The following IL1RAPL2 variants were observed in gnomAD, a reference collection of about 807,000 sequenced individuals.
IL1RAPL2 encodes X-linked interleukin-1 receptor accessory protein-like 2.
IL1RAPL2 carries 3 observed loss-of-function variants against 44.1 expected under a neutral mutation model. The ratio of observed to expected loss-of-function variants is 0.07; its 90% CI spans 0.03 to 0.18. The LOEUF (loss-of-function observed/expected upper bound fraction) is 0.18. Among genes scored for constraint, IL1RAPL2 ranks in the 10% least tolerant of loss-of-function variants. IL1RAPL2 has a pLI of 1.00. For synonymous variants in IL1RAPL2, 181 were observed against 178.8 expected, an observed-to-expected ratio of 1.01 and a Z score of -0.10; for missense variants, 391 against 496.4, an observed-to-expected ratio of 0.79 and a Z score of 2.02.
intron 1 of IL1RAPL2, among the ~76,000 whole-genome samples, chrX:104,629,845 G>A (rs1035567300): frequency 4.5e-5 from 5 of 111,902 alleles, no homozygotes; most frequent in Admixed American, 9.5e-5. Context: ...GTAAATATAT[G>A]AATTTACTTC....
intron 2 of IL1RAPL2, among the ~76,000 whole-genome samples, chrX:105,011,658 T>C (rs938253731): frequency 9.0e-6 from 1 of 111,593 alleles, no homozygotes; most frequent in Non-Finnish European, 1.9e-5. Context: ...CTTTTTATAG[T>C]TGAATAATAT....
At chrX:104,751,320 C>T (rs1303329412) in intron 2 of IL1RAPL2, among the ~76,000 whole-genome samples, 1 of 111,376 alleles carries the variant, frequency 9.0e-6, no homozygotes, top group Non-Finnish European at 1.9e-5. Context: ...GGTTCCTGCC[C>T]TCAGGGAGTT....
At position 104,903,622 on chromosome X, in the gene IL1RAPL2, G is replaced by T. The variant is rs761968398; in HGVS notation, c.82+244627G>T. Among the ~76,000 whole-genome samples, 45 of 111,090 alleles carry T rather than the reference G, an allele frequency of 4.1e-4. No individual in the cohort carries two copies. In the South Asian group the frequency reaches 0.015, roughly 38 times the overall value. On this transcript the variant is annotated intron_variant, in intron 2 of 10. Coordinates refer to ENST00000372582, the MANE Select transcript of IL1RAPL2 (RefSeq NM_017416.2). Reference sequence around the variant, plus strand: ...AGACAGAGTCTGACTCTGTTGCCCAGGCTGGAGTGCAGTGGCATGATCTTG... The same window carrying T: ...AGACAGAGTCTGACTCTGTTGCCCATGCTGGAGTGCAGTGGCATGATCTTG...
rs1177901922 is a variant in IL1RAPL2, at chrX:104,630,210, C to T, written c.-19-28685C>T. Among the ~76,000 whole-genome samples, 11 of 104,478 alleles carry T rather than the reference C, an allele frequency of 1.1e-4. No individual in the cohort carries two copies. The South Asian group carries it at 1.3e-3, about 12-fold the overall frequency. 90.7% of individuals were successfully genotyped at this position (104,478 alleles called of 115,157 possible). A position where few individuals can be genotyped will look rare whatever the true frequency, so the allele number is the denominator to read the frequency against. ...TCACCAGGGCTGGAGTACAGTGGCG[C>T]GATCTCGGCTCACTGCAATCTCCGC... On this transcript the variant is annotated intron_variant, in intron 1 of 10. Transcript: ENST00000372582.
chrX:105,052,797 T>A (rs1431114728), intron 2 of IL1RAPL2, among the ~76,000 whole-genome samples: 2 of 110,254 alleles, frequency 1.8e-5, no homozygotes, highest in Non-Finnish European at 3.8e-5. Context: ...CCATGGTGGT[T>A]TGCTGCACCT....
intron 5 of IL1RAPL2, among the ~76,000 whole-genome samples, chrX:105,353,379 T>C (rs1205582963): frequency 9.0e-6 from 1 of 111,705 alleles, no homozygotes; most frequent in African/African-American, 3.3e-5. Context: ...CCTCCAGCTT[T>C]GTTCTTTTGG....
At chrX:104,820,470 T>C (rs1921270543) in intron 2 of IL1RAPL2, among the ~76,000 whole-genome samples, 1 of 111,716 alleles carries the variant, frequency 9.0e-6, no homozygotes, top group Admixed American at 9.6e-5. Flanking sequence ...CAACTGCTGA[T>C]TCAGCTTTGC....
chrX:105,262,540 A>G (rs1003915049), intron 4 of IL1RAPL2, among the ~76,000 whole-genome samples: 1 of 111,888 alleles, frequency 8.9e-6, no homozygotes, highest in Non-Finnish European at 1.9e-5. Flanking sequence ...AATCACCCCA[A>G]TTGGTAAATA....
At chrX:104,584,022 TG>T (rs1232876321) in intron 1 of IL1RAPL2, among the ~76,000 whole-genome samples, 1 of 111,087 alleles carries the variant, frequency 9.0e-6, no homozygotes, top group Non-Finnish European at 1.9e-5. Flanking sequence ...CCTCAAAGTG[TG>T]GGTCAAGAAC....
At chrX:104,629,709 G>C (rs1364654719) in intron 1 of IL1RAPL2, among the ~76,000 whole-genome samples, 1 of 111,446 alleles carries the variant, frequency 9.0e-6, no homozygotes, top group Non-Finnish European at 1.9e-5. Flanking sequence ...CTTTATATAT[G>C]GTGAGAGATA....
chrX:105,501,132 G>A (rs1293399393), intron 6 of IL1RAPL2, among the ~76,000 whole-genome samples: 1 of 111,629 alleles, frequency 9.0e-6, no homozygotes, highest in Non-Finnish European at 1.9e-5. Context: ...TTATGTATGT[G>A]TGCACAGTCG....
chrX:105,302,998 T>C (rs1390246917), intron 5 of IL1RAPL2, among the ~76,000 whole-genome samples: 1 of 111,553 alleles, frequency 9.0e-6, no homozygotes, highest in Non-Finnish European at 1.9e-5. Context: ...CTGCCCTATA[T>C]TGCTTTCTGC....
intron 2 of IL1RAPL2, among the ~76,000 whole-genome samples, chrX:105,153,934 C>A (rs1007167893): frequency 9.0e-6 from 1 of 111,280 alleles, no homozygotes; most frequent in Non-Finnish European, 1.9e-5. Context: ...CAAAAATGAC[C>A]TAGTAAGGGA....
intron 2 of IL1RAPL2, among the ~76,000 whole-genome samples, chrX:105,094,028 T>C (rs764475487): frequency 6.3e-5 from 7 of 111,486 alleles, no homozygotes; most frequent in Non-Finnish European, 1.3e-4. Context: ...GCAAGTCTGA[T>C]GACTAGAGCA....
At chrX:105,353,738 G>A (rs1289240378) in intron 5 of IL1RAPL2, among the ~76,000 whole-genome samples, 1 of 111,213 alleles carries the variant, frequency 9.0e-6, no homozygotes, top group Non-Finnish European at 1.9e-5. Context: ...GTGTTTGTCT[G>A]TTATTGGTGT....
intron 6 of IL1RAPL2, among the ~76,000 whole-genome samples, chrX:105,715,377 G>A (rs937375764): frequency 1.8e-5 from 2 of 111,664 alleles, no homozygotes; most frequent in Non-Finnish European, 3.8e-5. Flanking sequence ...TGATTACGTA[G>A]GACAAAGATA....
At chrX:105,658,778 C>A (rs2037695026) in intron 6 of IL1RAPL2, among the ~76,000 whole-genome samples, 1 of 106,531 alleles carries the variant, frequency 9.4e-6, no homozygotes, top group Non-Finnish European at 1.9e-5. Flanking sequence ...CATGGTGAAA[C>A]CCCATCTGTA....
Position 104,728,439 on chromosome X carries a change from A to G in IL1RAPL2, c.82+69444A>G, listed in dbSNP as rs186439091. ...GAACCACTTACAGGTTACAAGTATG[A>G]TATGGTTTGAATTATGTCCCCTCAA... On this transcript the variant is annotated intron_variant, in intron 2 of 10. Coordinates refer to ENST00000372582, the MANE Select transcript of IL1RAPL2 (RefSeq NM_017416.2). 1.9e-4 allele frequency among the ~76,000 whole-genome samples: 21 copies of G among 111,685 alleles called. No homozygotes were observed. In the East Asian group the frequency reaches 6.0e-3, roughly 32 times the overall value.
chrX:105,273,046 AGTAGCGGG>A (rs112464767), intron 5 of IL1RAPL2, among the ~76,000 whole-genome samples: 9 of 111,564 alleles, frequency 8.1e-5, no homozygotes, highest in African/African-American at 2.9e-4. Flanking sequence ...TGAAATAAAT[AGTAGCGGG>A]GATTTTGACT....
Sources: allele counts gnomAD v4.1 joint callset (sites outside exome capture counted in the v4.1 genomes callset), GRCh38; gene constraint gnomAD v4.1.1; transcripts MANE v1.5; gene names NCBI Gene and HGNC (gene_info 2026-07-23, HGNC 2026-07-21).